The following LIN7A variants were observed in gnomAD, a reference collection of about 807,000 sequenced individuals.
LIN7A encodes the protein protein lin-7 homolog A.
In LIN7A, 25 loss-of-function variants were observed where a neutral mutation model predicts 29.8. The ratio of observed to expected loss-of-function variants is 0.84; its 90% CI spans 0.61 to 1.17. The LOEUF (loss-of-function observed/expected upper bound fraction) is 1.17, where lower values mean the gene tolerates loss of function less well. Ranked by LOEUF, LIN7A falls within the 50% of genes most tolerant of loss-of-function variation. LIN7A has a pLI of 0.00. For missense variants in LIN7A, 239 were observed against 287.0 expected (o/e 0.83, Z 1.21); for synonymous variants, 118 against 107.5 (o/e 1.10, Z -0.60).
chr12:80,917,356 G>A (rs1877076936), intron 1 of LIN7A, among the ~76,000 whole-genome samples: 1 of 152,146 alleles, frequency 6.6e-6, no homozygotes, highest in Non-Finnish European at 1.5e-5. Flanking sequence ...TGCAAAGGAT[G>A]ACCAGATCAA....
At chr12:80,914,528 CTCAA>C (rs796618326) in intron 1 of LIN7A, among the ~76,000 whole-genome samples, 13 of 152,290 alleles carry the variant, frequency 8.5e-5, no homozygotes, top group South Asian at 8.3e-4. Context: ...TTCAAACACT[CTCAA>C]TCAAACACTC....
chr12:80,877,297 C>G lies in LIN7A; in HGVS notation c.201+11954G>C, dbSNP rs190484696. On this transcript the variant is annotated intron_variant, in intron 2 of 5. Coordinates refer to ENST00000552864, the MANE Select transcript of LIN7A (RefSeq NM_004664.4). ...AACTCAAATGTCCATCTATAAGAGA[C>G]AGTGATTTTATAAACTGTGATATCT... 1.3e-3 allele frequency among the ~76,000 whole-genome samples: 191 copies of G among 151,986 alleles called. 1 individual carries two copies. The highest frequency in any genetic ancestry group is 4.3e-3 in the African/African-American group (180 of 41,474).
intron 4 of LIN7A, among the ~76,000 whole-genome samples, chr12:80,844,487 C>T (rs1011296556): frequency 6.6e-6 from 1 of 152,260 alleles, no homozygotes; most frequent in Admixed American, 6.5e-5. Context: ...ATATCATGTT[C>T]CAATTACATT....
chr12:80,829,794 C>T (rs1330915084), intron 4 of LIN7A, among the ~76,000 whole-genome samples: 2 of 152,158 alleles, frequency 1.3e-5, no homozygotes, highest in Admixed American at 6.5e-5. Flanking sequence ...CATCAATATT[C>T]TCTACATAAT....
At chr12:80,933,626 A>G (rs1270198983) in intron 1 of LIN7A, among the ~76,000 whole-genome samples, 1 of 152,148 alleles carries the variant, frequency 6.6e-6, no homozygotes, top group African/African-American at 2.4e-5. Context: ...CCAACTTTAC[A>G]CATCCCATTT....
intron 2 of LIN7A, among the ~76,000 whole-genome samples, chr12:80,863,264 T>A (rs1873965257): frequency 6.6e-6 from 1 of 152,244 alleles, no homozygotes; most frequent in South Asian, 2.1e-4. Context: ...TCACAAATAA[T>A]GATTTAGTTC....
At chr12:80,900,193 T>G (rs560963953) in intron 1 of LIN7A, among the ~76,000 whole-genome samples, 1 of 152,150 alleles carries the variant, frequency 6.6e-6, no homozygotes, top group African/African-American at 2.4e-5. Context: ...GCTTTCTATC[T>G]TATTCTTTCA....
chr12:80,844,326 G>T (rs1232033610), intron 4 of LIN7A, among the ~76,000 whole-genome samples: 1 of 152,292 alleles, frequency 6.6e-6, no homozygotes, highest in East Asian at 1.9e-4. Context: ...ATATTCATGG[G>T]TTGAGAATTT....
chr12:80,899,496 A>T (rs772616064), intron 1 of LIN7A, among the ~76,000 whole-genome samples: 2 of 152,124 alleles, frequency 1.3e-5, no homozygotes, highest in Non-Finnish European at 2.9e-5. Context: ...TGCTGGCCTC[A>T]TATAATGAGT....
At chr12:80,865,794 C>T (rs1874107325) in intron 2 of LIN7A, among the ~76,000 whole-genome samples, 1 of 152,156 alleles carries the variant, frequency 6.6e-6, no homozygotes, top group Admixed American at 6.5e-5. Flanking sequence ...AGTGGACATA[C>T]AGCCTTTCAG....
At chr12:80,825,954 G>T (rs1417859061) in intron 4 of LIN7A, among the ~76,000 whole-genome samples, 4 of 152,212 alleles carry the variant, frequency 2.6e-5, no homozygotes, top group Non-Finnish European at 5.9e-5. Context: ...GGCAGAAGTT[G>T]TCTGAGCCTG....
chr12:80,890,964 T>G (rs186792425), intron 1 of LIN7A, among the ~76,000 whole-genome samples: 154 of 136,056 alleles, frequency 1.1e-3, no homozygotes, highest in African/African-American at 3.9e-3. Flanking sequence ...CAGAGCTCAT[T>G]TTTTTTCCCC....
chr12:80,817,990 G>A (rs1392199867), intron 4 of LIN7A, among the ~76,000 whole-genome samples: 1 of 152,154 alleles, frequency 6.6e-6, no homozygotes, highest in Non-Finnish European at 1.5e-5. Context: ...ATAGCATGGG[G>A]CTACCTGAAG....
intron 2 of LIN7A, among the ~76,000 whole-genome samples, chr12:80,849,483 A>G (rs1019137482): frequency 3.3e-5 from 5 of 152,216 alleles, no homozygotes; most frequent in African/African-American, 1.2e-4. Context: ...TGCTGCAAGC[A>G]TTGCATTAGT....
chr12:80,827,784 G>A (rs1336861214), intron 4 of LIN7A, among the ~76,000 whole-genome samples: 2 of 152,014 alleles, frequency 1.3e-5, no homozygotes, highest in African/African-American at 4.8e-5. Flanking sequence ...TCTCTATTAT[G>A]TCACTTTCTT....
intron 1 of LIN7A, among the ~76,000 whole-genome samples, chr12:80,930,720 C>G (rs1877853074): frequency 6.6e-6 from 1 of 152,196 alleles, no homozygotes. Flanking sequence ...TCTTTCTTGG[C>G]CCTTGAGAGC....
chr12:80,927,155 CTTTTTTTTTTTT>C (rs929026269), intron 1 of LIN7A, among the ~76,000 whole-genome samples: 2 of 75,532 alleles, frequency 2.6e-5, no homozygotes, highest in African/African-American at 1.1e-4. Context: ...TTTTCTTTTT[CTTTTTTTTTTTT>C]TTTTTTTTTT....
intron 1 of LIN7A, among the ~76,000 whole-genome samples, chr12:80,909,867 A>AG (rs1876667826): frequency 6.6e-6 from 1 of 151,518 alleles, no homozygotes; most frequent in Admixed American, 6.6e-5. Flanking sequence ...CCAAAAAAAA[A>AG]AACCCTAAAA....
intron 2 of LIN7A, among the ~76,000 whole-genome samples, chr12:80,886,282 C>A (rs896202810): frequency 4.6e-5 from 7 of 151,724 alleles, no homozygotes; most frequent in Non-Finnish European, 8.8e-5. Flanking sequence ...TATAATGCAA[C>A]TTCGAGACAT....
Sources: gnomAD v4.1 joint callset for allele counts (sites outside exome capture counted in the v4.1 genomes callset) on GRCh38, gnomAD v4.1.1 for gene constraint, MANE v1.5 for transcripts, NCBI Gene and HGNC (gene_info 2026-07-23, HGNC 2026-07-21) for gene names.